The following CC2D1B variants were observed in gnomAD, a reference collection of about 807,000 sequenced individuals.
CC2D1B encodes the protein coiled-coil and C2 domain containing 1B.
A neutral mutation model predicts 110.8 loss-of-function variants in CC2D1B; 92 were observed. That is an observed-to-expected ratio of 0.83 (90% CI 0.70 to 0.99). The LOEUF (loss-of-function observed/expected upper bound fraction) is 0.99, where lower values mean the gene tolerates loss of function less well. Among genes scored for constraint, CC2D1B ranks in the 50% least tolerant of loss-of-function variants. The probability of loss-of-function intolerance (pLI) is 0.00; values close to 1 mark genes in which losing one functional copy is unlikely to be tolerated. For synonymous variants in CC2D1B, 406 were observed against 429.2 expected (o/e 0.95, Z 0.67); for missense variants, 1,136 against 1,089.0 (o/e 1.04, Z -0.61).
intron 2 of CC2D1B, among the ~76,000 whole-genome samples, chr1:52,363,719 C>T (rs1267545280): frequency 2.0e-5 from 3 of 148,604 alleles, no homozygotes; most frequent in Non-Finnish European, 4.4e-5. Flanking sequence ...CTGGCTCTGT[C>T]GCCCAGGCTA....
intron 1 of CC2D1B, among the ~76,000 whole-genome samples, 155 bp downstream of exon 1, chr1:52,365,914 T>C (rs1569881127): frequency 6.6e-6 from 1 of 152,252 alleles, no homozygotes; most frequent in East Asian, 1.9e-4. Flanking sequence ...CAGCCAGGCC[T>C]CACGGAAGGT....
chr1:52,365,560 T>A (rs970117042), intron 1 of CC2D1B, among the ~76,000 whole-genome samples: 1 of 151,564 alleles, frequency 6.6e-6, no homozygotes, highest in Non-Finnish European at 1.5e-5. Flanking sequence ...CAAGCCGAGG[T>A]GGAAATGTGA....
At position 52,361,085 on chromosome 1, in the gene CC2D1B, C is replaced by A; in HGVS notation, c.366G>T (p.Leu122=). ...CTGGGTCAGCTACCTCATCACCATC[C>A]AGGGGCTCAGTCTCCTCGTCCACAC... ...VLGVDEETEP[L]DGDEVADPGG... Residue 122 remains leucine (L), a synonymous_variant, in exon 5 of 25, where the codon CTG becomes CTT. Coordinates refer to ENST00000284376, the MANE Select transcript of CC2D1B (RefSeq NM_001330585.2). 6.2e-7 allele frequency: 1 copy of A among 1,614,084 alleles called. No homozygotes were observed. The highest frequency in any genetic ancestry group is 1.1e-5 in the South Asian group (1 of 91,078).
chr1:52,356,691 T>C, intron 16 of CC2D1B: 1 of 602,650 alleles, frequency 1.7e-6, no homozygotes, highest in Admixed American at 3.0e-5. Context: ...AACTCAAACA[T>C]CCCCTCAGAA....
At chr1:52,362,837 C>T (rs1384578721) in intron 2 of CC2D1B, 91 bp from the exon 3 acceptor site, 1 of 1,335,608 alleles carries the variant, frequency 7.5e-7, no homozygotes, top group East Asian at 2.3e-5. Context: ...AAGTCCCAAT[C>T]AGTGGCTCCT....
Position 52,357,696 on chromosome 1 carries a change from G to A in CC2D1B, c.1582C>T (p.Arg528Trp), listed in dbSNP as rs756850623. 5.6e-6 allele frequency: 9 copies of A among 1,607,000 alleles called. No homozygotes were observed. The highest frequency in any genetic ancestry group is 2.2e-5 in the East Asian group (1 of 44,672). Residue 528 changes from arginine (R) to tryptophan (W), a missense_variant and splice_region_variant, in exon 15 of 25, where the codon CGG becomes TGG. Coordinates refer to ENST00000284376, the MANE Select transcript of CC2D1B (RefSeq NM_001330585.2). ...SSKESPSPSV[R>W]EQLALLEARK... ...GCCTCCAGCAGTGCCAGCTGCTCCC[G>A]CACTGAAGGGAGAAGGCCACTGGTT...
At chr1:52,362,838 A>T in intron 2 of CC2D1B, 92 bp from the exon 3 acceptor site, 1 of 1,328,406 alleles carries the variant, frequency 7.5e-7, no homozygotes, top group Non-Finnish European at 1.0e-6. Context: ...AGTCCCAATC[A>T]GTGGCTCCTT....
chr1:52,362,700 A>G lies in CC2D1B; in HGVS notation c.116T>C (p.Met39Thr). 1.2e-6 allele frequency: 2 copies of G among 1,614,128 alleles called. No homozygotes were observed. Among genetic ancestry groups the G allele is most frequent in the Non-Finnish European group, 8.5e-7 (1 of 1,180,016 alleles). The part of the protein sequence containing the change: ...EFGPEDMLLG[M>T]DEAEDDEDLE... ...GTCCTCATCATCTTCAGCCTCATCC[A>G]TGCCCAGCAGCATGTCCTCAGGGCC... Residue 39 changes from methionine to threonine, a missense_variant, in exon 3 of 25, where the codon ATG becomes ACG. Met to Thr is a moderately conservative substitution (Grantham distance 81). Coordinates refer to ENST00000284376, the MANE Select transcript of CC2D1B (RefSeq NM_001330585.2).
chr1:52,361,443 T>G, intron 4 of CC2D1B, 70 bp downstream of exon 4: 1 of 1,600,508 alleles, frequency 6.2e-7, no homozygotes, highest in Non-Finnish European at 8.5e-7. Flanking sequence ...CAGCCTCCTC[T>G]CCACTGCCCT....
At position 52,351,338 on chromosome 1, in the gene CC2D1B, C is replaced by T. The variant is rs1200938918; in HGVS notation, c.*1887G>A. 2 of 152,262 alleles carry T rather than the reference C, an allele frequency of 1.3e-5. No homozygotes were observed. Among genetic ancestry groups the T allele is most frequent in the East Asian group, 1.9e-4 (1 of 5,180 alleles). 9.4% of individuals were successfully genotyped at this position (152,262 alleles called of 1,614,324 possible). On this transcript the variant is annotated 3_prime_UTR_variant, in exon 25 of 25. Coordinates refer to ENST00000284376, the MANE Select transcript of CC2D1B (RefSeq NM_001330585.2). Reference sequence around the variant, plus strand: ...AACAGAGGCCTGAATTTAGAAACTCCTAGAGCTGGCTGGAACTTTAGAGGA... The same window carrying T: ...AACAGAGGCCTGAATTTAGAAACTCTTAGAGCTGGCTGGAACTTTAGAGGA...
Position 52,353,008 on chromosome 1 carries a change from GA to G in CC2D1B, c.*216del. 1 of 398,746 alleles carries G rather than the reference GA, an allele frequency of 2.5e-6. No homozygotes were observed. Among genetic ancestry groups the G allele is most frequent in the South Asian group, 2.0e-5 (1 of 49,436 alleles). 24.7% of individuals were successfully genotyped at this position (398,746 alleles called of 1,614,324 possible). On this transcript the variant is annotated 3_prime_UTR_variant, in exon 25 of 25. Transcript: ENST00000284376. ...TCGGGGCAGGGGGAGACAGCGGGGA[GA>G]TGGGCTCCTGGAACCCAGCCTGTTT...
In CC2D1B at chr1:52,359,304, G is replaced by A; in HGVS notation, c.1072C>T (p.Pro358Ser). 6.2e-7 allele frequency: 1 copy of A among 1,613,480 alleles called. No individual in the cohort carries two copies. Among genetic ancestry groups the A allele is most frequent in the Non-Finnish European group, 8.5e-7 (1 of 1,179,834 alleles). The change falls in exon 10 of 25, where the codon CCA becomes TCA. Residue 358 changes from proline (P) to serine (S), a missense_variant. Coordinates refer to ENST00000284376, the MANE Select transcript of CC2D1B (RefSeq NM_001330585.2). ...QAPTAPSVIP[P>S]AVERVQPVMA... The stretch of plus-strand genomic sequence containing the variant: ...ACTGGCTGCACTCGCTCCACGGCTG[G>A]GGGAATGACTGAGGGTGCTGTGGGA...
Position 52,360,086 on chromosome 1 carries a change from CA to C in CC2D1B, c.750del (p.Ala251ProfsTer25). ...RSPETDPPAP[P>X]ALESDNPSQP... Reference sequence around the variant, plus strand: ...CATCTGCAGATACCTGACTCCAAGGCAGGGGGAGCTGGAGGGTCTGTCTCAG... The same window carrying C: ...CATCTGCAGATACCTGACTCCAAGGCGGGGGAGCTGGAGGGTCTGTCTCAG... On this transcript the variant is annotated frameshift_variant, in exon 7 of 25. Coordinates refer to ENST00000284376, the MANE Select transcript of CC2D1B (RefSeq NM_001330585.2). LOFTEE classifies it high-confidence loss of function. 1 of 1,582,444 alleles carries C rather than the reference CA, an allele frequency of 6.3e-7. No individual in the cohort carries two copies. The highest frequency in any genetic ancestry group is 8.6e-7 in the Non-Finnish European group (1 of 1,165,430).
intron 14 of CC2D1B, 33 bp from the exon 15 acceptor site, chr1:52,357,731 C>T (rs963208417): frequency 2.5e-6 from 4 of 1,609,420 alleles, no homozygotes; most frequent in Non-Finnish European, 3.4e-6. Context: ...TAGGGCCACA[C>T]CTGCCCTCTC....
chr1:52,362,716 C>T lies in CC2D1B; in HGVS notation c.100G>A (p.Asp34Asn). 1 of 1,614,126 alleles carries T rather than the reference C, an allele frequency of 6.2e-7. No individual in the cohort carries two copies. Among genetic ancestry groups the T allele is most frequent in the African/African-American group, 1.3e-5 (1 of 75,024 alleles). ...MGLFMEFGPEDMLLGMDEAED... is the reference protein window; with the variant it reads ...MGLFMEFGPENMLLGMDEAED... The stretch of plus-strand genomic sequence containing the variant: ...GCCTCATCCATGCCCAGCAGCATGT[C>T]CTCAGGGCCAAACTCCATAAAGAGC... Residue 34 changes from aspartate (D) to asparagine (N), a missense_variant, in exon 3 of 25, where the codon GAC (aspartate) becomes AAC (asparagine). Physicochemically the swap from Asp to Asn is conservative, Grantham distance 23. Coordinates refer to ENST00000284376, the MANE Select transcript of CC2D1B (RefSeq NM_001330585.2).
intron 12 of CC2D1B, 31 bp from the exon 13 acceptor site, chr1:52,358,492 G>C (rs1439478925): frequency 6.2e-7 from 1 of 1,611,368 alleles, no homozygotes; most frequent in Non-Finnish European, 8.5e-7. Context: ...GGGAGGGGCA[G>C]GGAGCAGCCT....
At chr1:52,356,333 T>C in intron 17 of CC2D1B, 31 bp from the exon 18 acceptor site, 1 of 1,613,992 alleles carries the variant, frequency 6.2e-7, no homozygotes, top group Non-Finnish European at 8.5e-7. Context: ...AGCATGATGG[T>C]GGATTTTCTG....
At position 52,359,133 on chromosome 1, in the gene CC2D1B, ACTGT is replaced by A. The variant is rs1485557734; in HGVS notation, c.1147_1150del (p.Thr383CysfsTer9). ...CAGCCTCTGCTGCAGGGCATCCAGC[ACTGT>A]CTGTGACTCTGTAGGGGCCACTTGA... On this transcript the variant is annotated frameshift_variant, in exon 11 of 25. Transcript: ENST00000284376. LOFTEE classifies it high-confidence loss of function. 14 of 1,610,908 alleles carry A rather than the reference ACTGT, an allele frequency of 8.7e-6. No homozygotes were observed. The highest frequency in any genetic ancestry group is 1.2e-5 in the Non-Finnish European group (14 of 1,179,868).
At chr1:52,356,696 T>TTTC in intron 16 of CC2D1B, 1 of 603,430 alleles carries the variant, frequency 1.7e-6, no homozygotes, top group East Asian at 2.8e-5. Context: ...AAACATCCCC[T>TTTC]CAGAAGGCAG....
Sources: allele counts gnomAD v4.1 joint callset (sites outside exome capture counted in the v4.1 genomes callset), GRCh38; gene constraint gnomAD v4.1.1; transcripts MANE v1.5; gene names NCBI Gene and HGNC (gene_info 2026-07-23, HGNC 2026-07-21).